Variants in HS6ST3 observed in about 807,000 individuals in gnomAD.
The protein encoded by HS6ST3 is heparan-sulfate 6-O-sulfotransferase 3.
Under a neutral mutation model 36.7 loss-of-function variants are expected in HS6ST3, and 12 were observed. The observed-to-expected ratio is 0.33, with a 90% CI of 0.21 to 0.53. HS6ST3 has a LOEUF of 0.53. HS6ST3 is among the 20% of genes least tolerant of loss of function. The pLI is 0.95. For synonymous variants in HS6ST3, 240 were observed against 257.5 expected, an observed-to-expected ratio of 0.93 and a Z score of 0.65; for missense variants, 584 against 640.9, an observed-to-expected ratio of 0.91 and a Z score of 0.96.
At chr13:96,573,510 G>T (rs2056308496) in intron 1 of HS6ST3, 2 of 177,942 alleles carry the variant, frequency 1.1e-5, no homozygotes, top group Non-Finnish European at 2.3e-5. Flanking sequence ...TTGGAAGGAA[G>T]AAGTCTCATT....
intron 1 of HS6ST3, among the ~76,000 whole-genome samples, chr13:96,499,575 G>A (rs1037648479): frequency 1.3e-5 from 2 of 152,130 alleles, no homozygotes; most frequent in African/African-American, 4.8e-5. Flanking sequence ...GGAATACTCA[G>A]GGCAAGGCCA....
chr13:96,491,364 A>G (rs180997016), intron 1 of HS6ST3, among the ~76,000 whole-genome samples: 66 of 151,972 alleles, frequency 4.3e-4, no homozygotes, highest in Non-Finnish European at 8.2e-4. Context: ...TCATACTGCC[A>G]TGAATAAAAG....
At chr13:96,162,134 A>G (rs984750752) in intron 1 of HS6ST3, among the ~76,000 whole-genome samples, 2 of 152,226 alleles carry the variant, frequency 1.3e-5, no homozygotes, top group African/African-American at 4.8e-5. Context: ...GTGATTTGGG[A>G]GATCAAGGAA....
At chr13:96,583,124 A>G (rs1416412616) in intron 1 of HS6ST3, among the ~76,000 whole-genome samples, 3 of 150,812 alleles carry the variant, frequency 2.0e-5, no homozygotes, top group African/African-American at 7.3e-5. Context: ...TGCATCCAAC[A>G]GGCAGGGTGA....
chr13:96,194,177 A>G (rs916511930), intron 1 of HS6ST3, among the ~76,000 whole-genome samples: 2 of 151,986 alleles, frequency 1.3e-5, no homozygotes, highest in African/African-American at 4.8e-5. Flanking sequence ...TGGCATCCTC[A>G]TTTCATTGTA....
intron 1 of HS6ST3, among the ~76,000 whole-genome samples, chr13:96,583,450 G>A (rs1181309882): frequency 1.3e-5 from 2 of 151,608 alleles, no homozygotes; most frequent in Non-Finnish European, 2.9e-5. Flanking sequence ...CTGACCTCAT[G>A]ATCCGCCCAC....
intron 1 of HS6ST3, among the ~76,000 whole-genome samples, chr13:96,825,711 T>G (rs1179574943): frequency 3.3e-5 from 5 of 152,206 alleles, no homozygotes; most frequent in Non-Finnish European, 7.3e-5. Flanking sequence ...CTACGGCAAT[T>G]GGGTCTCAAC....
intron 1 of HS6ST3, among the ~76,000 whole-genome samples, chr13:96,325,411 T>TTTTAA (rs1299316242): frequency 2.5e-4 from 38 of 152,212 alleles, no homozygotes; most frequent in African/African-American, 8.4e-4. Context: ...CCAAAAATAT[T>TTTTAA]CTTTAATAAA....
chr13:96,328,842 A>G (rs1239183582), intron 1 of HS6ST3, among the ~76,000 whole-genome samples: 1 of 152,090 alleles, frequency 6.6e-6, no homozygotes, highest in Non-Finnish European at 1.5e-5. Flanking sequence ...ACTATTGATT[A>G]TTGCCACAAT....
intron 1 of HS6ST3, among the ~76,000 whole-genome samples, chr13:96,590,825 T>A (rs1301799077): frequency 1.3e-5 from 2 of 152,144 alleles, no homozygotes; most frequent in Non-Finnish European, 2.9e-5. Flanking sequence ...TAGTTTGAAG[T>A]CTCATATTTA....
chr13:96,387,610 G>C (rs1019174036), intron 1 of HS6ST3, among the ~76,000 whole-genome samples: 1 of 152,148 alleles, frequency 6.6e-6, no homozygotes, highest in Non-Finnish European at 1.5e-5. Flanking sequence ...GTTTTATAAA[G>C]AGCTTTTAAA....
At chr13:96,270,042 G>A (rs1046345777) in intron 1 of HS6ST3, among the ~76,000 whole-genome samples, 3 of 151,842 alleles carry the variant, frequency 2.0e-5, no homozygotes, top group East Asian at 1.9e-4. Context: ...GAGCTTAGAC[G>A]TACCTGGTTA....
chr13:96,796,596 G>A (rs985536387), intron 1 of HS6ST3, among the ~76,000 whole-genome samples: 1 of 152,082 alleles, frequency 6.6e-6, no homozygotes, highest in Non-Finnish European at 1.5e-5. Flanking sequence ...AATAATTTTA[G>A]ATGCTTTATA....
chr13:96,169,183 C>G (rs1055457004), intron 1 of HS6ST3, among the ~76,000 whole-genome samples: 1 of 152,068 alleles, frequency 6.6e-6, no homozygotes. Context: ...TGAGCTCTGC[C>G]CGCCTTTTAC....
intron 1 of HS6ST3, among the ~76,000 whole-genome samples, chr13:96,687,987 T>C (rs1488842588): frequency 8.0e-5 from 12 of 150,840 alleles, no homozygotes; most frequent in Non-Finnish European, 1.3e-4. Context: ...AAACACCACA[T>C]GTTCTCACTC....
chr13:96,519,839 A>G (rs1048351420), intron 1 of HS6ST3, among the ~76,000 whole-genome samples: 4 of 152,184 alleles, frequency 2.6e-5, no homozygotes, highest in Admixed American at 6.5e-5. Flanking sequence ...TTACCTCCAT[A>G]ATGCTAAATT....
intron 1 of HS6ST3, among the ~76,000 whole-genome samples, chr13:96,778,675 C>T (rs187380336): frequency 2.4e-4 from 36 of 152,126 alleles, no homozygotes; most frequent in Admixed American, 5.2e-4. Context: ...AAACAACAGA[C>T]GGCGGAGAGG....
intron 1 of HS6ST3, among the ~76,000 whole-genome samples, chr13:96,163,396 A>AT (rs1290972731): frequency 4.0e-5 from 6 of 151,624 alleles, no homozygotes; most frequent in South Asian, 2.1e-4. Context: ...TGCCTGGCTA[A>AT]TTTTTTGTAT....
chr13:96,687,412 T>A (rs978109348), intron 1 of HS6ST3, among the ~76,000 whole-genome samples: 1 of 152,062 alleles, frequency 6.6e-6, no homozygotes, highest in Non-Finnish European at 1.5e-5. Context: ...GGGCAACTTA[T>A]GTTTGTAACA....
Sources: gnomAD v4.1 joint callset for allele counts (sites outside exome capture counted in the v4.1 genomes callset) on GRCh38, gnomAD v4.1.1 for gene constraint, MANE v1.5 for transcripts, NCBI Gene and HGNC (gene_info 2026-07-23, HGNC 2026-07-21) for gene names.